The following ZNF697 variants were observed in gnomAD, a reference collection of about 807,000 sequenced individuals.
ZNF697 encodes zinc finger protein 697.
ZNF697 carries 23 observed loss-of-function variants against 32.4 expected under a neutral mutation model. The ratio of observed to expected loss-of-function variants is 0.71; its 90% CI spans 0.51 to 1.01. ZNF697 has a LOEUF of 1.01. ZNF697 is among the 50% of genes least tolerant of loss of function. ZNF697 has a pLI of 0.00. For synonymous variants in ZNF697, 418 were observed against 337.2 expected, an observed-to-expected ratio of 1.24 and a Z score of -2.62; for missense variants, 930 against 794.0, an observed-to-expected ratio of 1.17 and a Z score of -2.06.
intron 1 of ZNF697, among the ~76,000 whole-genome samples, chr1:119,645,131 A>C (rs1649169120): frequency 6.6e-6 from 1 of 152,192 alleles, no homozygotes. Context: ...ATGTCCTTGT[A>C]CTAGACACTG....
intron 1 of ZNF697, among the ~76,000 whole-genome samples, chr1:119,632,412 C>T (rs1439224741): frequency 6.6e-6 from 1 of 152,210 alleles, no homozygotes; most frequent in Non-Finnish European, 1.5e-5. Context: ...TGCCCGCTCT[C>T]CAGACAAGAG....
At position 119,641,186 on chromosome 1, in the gene ZNF697, C is replaced by G. The variant is rs184393994; in HGVS notation, c.-38+6505G>C. On this transcript the variant is annotated intron_variant, in intron 1 of 2. Coordinates refer to ENST00000421812, the MANE Select transcript of ZNF697 (RefSeq NM_001080470.2). ...AAGATGTCCTGTGGCAACTGCCCCC[C>G]AGACTAGTGTAGGCTGTGGCTGCAG... 1.3e-3 allele frequency among the ~76,000 whole-genome samples: 194 copies of G among 152,334 alleles called. 1 individual carries two copies. In the Middle Eastern group the frequency reaches 0.027, roughly 21 times the overall value.
chr1:119,626,598 G>C (rs1440936862), intron 1 of ZNF697, among the ~76,000 whole-genome samples: 1 of 152,216 alleles, frequency 6.6e-6, no homozygotes, highest in Non-Finnish European at 1.5e-5. Flanking sequence ...CTCGCCTCCA[G>C]CCCACAGCAA....
intron 1 of ZNF697, among the ~76,000 whole-genome samples, chr1:119,627,427 G>A (rs1191510152): frequency 6.6e-6 from 1 of 152,234 alleles, no homozygotes; most frequent in Non-Finnish European, 1.5e-5. Context: ...ATGAGTGGAA[G>A]AAGGGTAAGG....
At chr1:119,642,192 T>C (rs587605921) in intron 1 of ZNF697, among the ~76,000 whole-genome samples, 1 of 152,258 alleles carries the variant, frequency 6.6e-6, no homozygotes, top group East Asian at 1.9e-4. Context: ...AGTAAAAAGA[T>C]CAGTGGTTGC....
Position 119,648,202 on chromosome 1 carries a change from T to TTGGCTGGCTGGCTGGC in ZNF697, c.-565_-550dup, listed in dbSNP as rs587734493. ...GCTGGGTGGCCCGCTGGCTGGCTGG[T>TTGGCTGGCTGGCTGGC]TGGCTGGCTGGCTGGCTGGCTGGCT... On this transcript the variant is annotated 5_prime_UTR_variant, in exon 1 of 3. Transcript: ENST00000421812. Among the ~76,000 whole-genome samples the TTGGCTGGCTGGCTGGC allele has an allele frequency of 0.049, 7,397 of 150,362 alleles. 247 individuals carry two copies. The highest frequency in any genetic ancestry group is 0.068 in the Non-Finnish European group (4,559 of 67,298).
chr1:119,629,430 G>T (rs1648699042), intron 1 of ZNF697, among the ~76,000 whole-genome samples: 1 of 152,158 alleles, frequency 6.6e-6, no homozygotes. Context: ...CTTAGGCAAG[G>T]CTGGAGCTGG....
chr1:119,637,916 A>AGTCATC (rs1313241335), intron 1 of ZNF697, among the ~76,000 whole-genome samples: 4 of 152,032 alleles, frequency 2.6e-5, no homozygotes, highest in Admixed American at 6.6e-5. Context: ...ATTTGAAAAA[A>AGTCATC]GTCATCGTCT....
In ZNF697 at chr1:119,626,047, T is replaced by G; in HGVS notation, c.54A>C (p.Lys18Asn). Residue 18 changes from lysine (K) to asparagine (N), a missense_variant, in exon 2 of 3, where the codon AAA (lysine) becomes AAC (asparagine). Lys to Asn is a moderately conservative substitution (Grantham distance 94). Transcript: ENST00000421812. ...GVCAHQDSED[K>N]GMGSDFEDSE... is the part of the protein sequence containing the mutation. ...AGTCCTCAAAATCAGAACCCATCCC[T>G]TTGTCTTCTGAGTCCTGGTGTGCAC... 2 of 1,614,014 alleles carry G rather than the reference T, an allele frequency of 1.2e-6. No individual in the cohort carries two copies. The highest frequency in any genetic ancestry group is 1.7e-6 in the Non-Finnish European group (2 of 1,179,898).
intron 1 of ZNF697, among the ~76,000 whole-genome samples, chr1:119,628,740 C>T (rs1648674948): frequency 2.0e-5 from 3 of 152,154 alleles, no homozygotes; most frequent in Non-Finnish European, 4.4e-5. Context: ...CACGCCAGCA[C>T]ATCATGGGGT....
chr1:119,635,339 A>G (rs1179677724), intron 1 of ZNF697, among the ~76,000 whole-genome samples: 1 of 152,210 alleles, frequency 6.6e-6, no homozygotes, highest in Non-Finnish European at 1.5e-5. Flanking sequence ...CAGTGGAGCA[A>G]AGATACTAAT....
In ZNF697 at chr1:119,647,925, A is replaced by T. The variant is rs1649259519; in HGVS notation, c.-272T>A. Among the ~76,000 whole-genome samples the T allele has an allele frequency of 6.6e-6, 1 of 152,130 alleles. No individual in the cohort carries two copies. The highest frequency in any genetic ancestry group is 1.5e-5 in the Non-Finnish European group (1 of 68,000). ...GGCCCTGCGCCCCAGGGGAGCGGAC[A>T]ACGGTCCACTTTACGAGGCACAACT... On this transcript the variant is annotated 5_prime_UTR_variant, in exon 1 of 3. Transcript: ENST00000421812.
chr1:119,622,622 C>A lies in ZNF697; in HGVS notation c.*83G>T. The A allele has an allele frequency of 7.0e-7, 1 of 1,432,340 alleles. No individual in the cohort carries two copies. Among genetic ancestry groups the A allele is most frequent in the Non-Finnish European group, 9.1e-7 (1 of 1,096,012 alleles). The allele number at this position is 1,432,340 out of a possible 1,614,324, so 88.7% of individuals were successfully genotyped here. On this transcript the variant is annotated 3_prime_UTR_variant, in exon 3 of 3. Coordinates refer to ENST00000421812, the MANE Select transcript of ZNF697 (RefSeq NM_001080470.2). The stretch of plus-strand genomic sequence containing the variant: ...TCTCAGATTGTCCCTCCCGCCCCTT[C>A]CCCACTTCCTTCCCCTGGGTCAGTC...
rs1394691047 is a variant in ZNF697, at chr1:119,624,054, C to T, written c.289G>A (p.Val97Ile). The T allele has an allele frequency of 6.2e-7, 1 of 1,611,074 alleles. No individual in the cohort carries two copies. The highest frequency in any genetic ancestry group is 1.7e-5 in the Admixed American group (1 of 59,688). The change falls in exon 3 of 3, where the codon GTA becomes ATA. Residue 97 changes from valine to isoleucine, a missense_variant. Transcript: ENST00000421812. ...CCTGGGAACATCGCCATGTCAGCTA[C>T]ACCGGATTGGTCATCCTCTTCCCCA... ...VRGEEDDQSG[V>I]ADMAMFPGLS...
chr1:119,644,286 C>A (rs1158724517), intron 1 of ZNF697, among the ~76,000 whole-genome samples: 1 of 152,138 alleles, frequency 6.6e-6, no homozygotes, highest in East Asian at 1.9e-4. Context: ...AGTTCTTTAC[C>A]CAAAGGTCTT....
chr1:119,623,206 C>A lies in ZNF697; in HGVS notation c.1137G>T (p.Lys379Asn). 1.9e-6 allele frequency: 3 copies of A among 1,574,164 alleles called. No homozygotes were observed. Among genetic ancestry groups the A allele is most frequent in the Non-Finnish European group, 2.6e-6 (3 of 1,160,194 alleles). The part of the protein sequence containing the change: ...ANHQRIHTGE[K>N]PHGCGECGKR... ...TGCCGCACTCGCCACAGCCGTGCGG[C>A]TTCTCGCCCGTGTGGATGCGCTGGT... The change falls in exon 3 of 3, where the codon AAG becomes AAT. Residue 379 changes from lysine to asparagine, a missense_variant. Transcript: ENST00000421812.
At chr1:119,638,756 C>T (rs1258272233) in intron 1 of ZNF697, among the ~76,000 whole-genome samples, 1 of 152,196 alleles carries the variant, frequency 6.6e-6, no homozygotes, top group Non-Finnish European at 1.5e-5. Flanking sequence ...ATCCACATTT[C>T]TCATGATGCC....
intron 1 of ZNF697, among the ~76,000 whole-genome samples, chr1:119,639,891 C>T (rs1649020828): frequency 6.6e-6 from 1 of 152,082 alleles, no homozygotes; most frequent in Non-Finnish European, 1.5e-5. Context: ...GATTCTGGAG[C>T]CATACGACCT....
chr1:119,625,912 G>C lies in ZNF697; in HGVS notation c.189C>G (p.Asp63Glu). The C allele has an allele frequency of 8.1e-6, 13 of 1,613,966 alleles. No homozygotes were observed. The African/African-American group carries it at 9.3e-5, about 12-fold the overall frequency. ...CGGGCACTGCTTCCCTGTGCCTTGA[G>C]TCCTGTGGGTTGGAGCCCATCTCCG... is the stretch of plus-strand genomic sequence containing the variant. ...PEPEMGSNPQ[D>E]SRHREAVPDI... is the part of the protein sequence containing the mutation. Residue 63 changes from aspartate to glutamate, a missense_variant, in exon 2 of 3, where the codon GAC becomes GAG. Physicochemically the swap from Asp to Glu is conservative, Grantham distance 45 (BLOSUM62 2). Transcript: ENST00000421812.
Sources: allele counts gnomAD v4.1 joint callset (sites outside exome capture counted in the v4.1 genomes callset), GRCh38; gene constraint gnomAD v4.1.1; transcripts MANE v1.5; gene names NCBI Gene and HGNC (gene_info 2026-07-23, HGNC 2026-07-21).